PTPRT: variants seen among roughly 807,000 people sequenced by gnomAD.
PTPRT encodes the protein protein tyrosine phosphatase receptor type T.
In PTPRT, 56 loss-of-function variants were observed where a neutral mutation model predicts 176.8. That is an observed-to-expected ratio of 0.32 (90% CI 0.26 to 0.40). The LOEUF (loss-of-function observed/expected upper bound fraction) is 0.40, where lower values mean the gene tolerates loss of function less well. Among genes scored for constraint, PTPRT ranks in the 10% least tolerant of loss-of-function variants. PTPRT has a pLI of 1.00. For missense variants in PTPRT, 1,540 were observed against 1,908.2 expected (o/e 0.81, Z 3.60); for synonymous variants, 783 against 739.0 (o/e 1.06, Z -0.96).
intron 8 of PTPRT, among the ~76,000 whole-genome samples, chr20:42,458,227 C>A (rs560204513): frequency 2.0e-5 from 3 of 152,256 alleles, no homozygotes; most frequent in South Asian, 4.1e-4. Context: ...CTCTATATTT[C>A]TTTAGGACAG....
intron 2 of PTPRT, among the ~76,000 whole-genome samples, chr20:42,797,597 C>T (rs1264014387): frequency 6.6e-6 from 1 of 151,858 alleles, no homozygotes; most frequent in East Asian, 1.9e-4. Flanking sequence ...AAGGGCCTCC[C>T]AAAGATGTCC....
intron 1 of PTPRT, among the ~76,000 whole-genome samples, chr20:43,028,248 C>T (rs1215469137): frequency 6.6e-6 from 1 of 152,128 alleles, no homozygotes; most frequent in Non-Finnish European, 1.5e-5. Context: ...CTTCCAGATA[C>T]TGCAAGACAT....
chr20:42,493,229 T>C (rs2071593842), intron 7 of PTPRT, among the ~76,000 whole-genome samples: 1 of 152,196 alleles, frequency 6.6e-6, no homozygotes, highest in African/African-American at 2.4e-5. Flanking sequence ...AAATTAACCA[T>C]GGCATGCAGC....
At chr20:42,968,401 G>A (rs1236943031) in intron 1 of PTPRT, among the ~76,000 whole-genome samples, 1 of 152,182 alleles carries the variant, frequency 6.6e-6, no homozygotes, top group African/African-American at 2.4e-5. Context: ...ATCCAGTGGA[G>A]AGAGAGATGG....
At chr20:42,818,745 G>C (rs1361638250) in intron 2 of PTPRT, among the ~76,000 whole-genome samples, 1 of 152,180 alleles carries the variant, frequency 6.6e-6, no homozygotes, top group African/African-American at 2.4e-5. Flanking sequence ...CGAGAACTTT[G>C]TGAAGCATAC....
chr20:42,633,801 A>ATATATATATATATATTATATAT (rs2074470434), intron 7 of PTPRT, among the ~76,000 whole-genome samples: 1 of 66,460 alleles, frequency 1.5e-5, no homozygotes, highest in African/African-American at 7.0e-5. Context: ...ATATATATAT[A>ATATATATATATATATTATATAT]TATATATATA....
chr20:42,517,379 A>C (rs2072088430), intron 7 of PTPRT, among the ~76,000 whole-genome samples: 1 of 151,804 alleles, frequency 6.6e-6, no homozygotes, highest in Non-Finnish European at 1.5e-5. Flanking sequence ...AATATGGCTT[A>C]TTTGTACCTT....
intron 2 of PTPRT, among the ~76,000 whole-genome samples, chr20:42,854,451 T>C (rs2078528463): frequency 6.6e-6 from 1 of 152,128 alleles, no homozygotes. Flanking sequence ...CTGCTATCAC[T>C]CAGAATTCTC....
At chr20:42,082,123 G>A in intron 29 of PTPRT, 106 bp from the exon 30 acceptor site, 3 of 1,476,072 alleles carry the variant, frequency 2.0e-6, no homozygotes, top group Non-Finnish European at 2.8e-6. Flanking sequence ...CTGGGCAGAT[G>A]CAAGGCAAGG....
chr20:42,695,515 T>G (rs1236756900), intron 6 of PTPRT, among the ~76,000 whole-genome samples: 3 of 152,210 alleles, frequency 2.0e-5, no homozygotes, highest in East Asian at 1.9e-4. Context: ...ATTTTAAAAA[T>G]TATGTTTTCG....
intron 7 of PTPRT, among the ~76,000 whole-genome samples, chr20:42,531,654 T>G (rs1243648939): frequency 6.6e-6 from 1 of 152,180 alleles, no homozygotes; most frequent in African/African-American, 2.4e-5. Context: ...GGATAAATGC[T>G]GAAGAATAAC....
At chr20:42,491,771 A>T (rs1046468588) in intron 7 of PTPRT, among the ~76,000 whole-genome samples, 3 of 152,088 alleles carry the variant, frequency 2.0e-5, no homozygotes, top group African/African-American at 7.2e-5. Context: ...CTATTCTAAC[A>T]TATTGTGTTA....
At position 42,891,469 on chromosome 20, in the gene PTPRT, G is replaced by A. The variant is rs1600526179; in HGVS notation, c.89-5537C>T. ...CAGAGAAATGGAAAACTGTAGCAAGGAAATTGGATTTTGAAAATCCATTTG... is the reference window on the plus strand; with the variant it reads ...CAGAGAAATGGAAAACTGTAGCAAGAAAATTGGATTTTGAAAATCCATTTG... On this transcript the variant is annotated intron_variant, in intron 1 of 30. Transcript: ENST00000373187. Among the ~76,000 whole-genome samples, 6 of 152,328 alleles carry A rather than the reference G, an allele frequency of 3.9e-5. No individual in the cohort carries two copies. The South Asian group carries it at 1.2e-3, about 32-fold the overall frequency.
At chr20:42,828,270 C>T (rs1203547712) in intron 2 of PTPRT, among the ~76,000 whole-genome samples, 4 of 152,176 alleles carry the variant, frequency 2.6e-5, no homozygotes, top group African/African-American at 7.2e-5. Context: ...TGGCATTTTG[C>T]CCCTGCCCTA....
chr20:42,365,624 A>T (rs1295519047), intron 9 of PTPRT, among the ~76,000 whole-genome samples: 1 of 152,154 alleles, frequency 6.6e-6, no homozygotes, highest in East Asian at 1.9e-4. Flanking sequence ...TGGGCAACAC[A>T]TGAAATACAC....
At chr20:42,835,069 A>G (rs1379591173) in intron 2 of PTPRT, among the ~76,000 whole-genome samples, 1 of 152,214 alleles carries the variant, frequency 6.6e-6, no homozygotes, top group Admixed American at 6.5e-5. Context: ...CATGGGACCT[A>G]GAAAAAGGAG....
chr20:42,778,603 G>A (rs560546778), intron 4 of PTPRT, among the ~76,000 whole-genome samples: 2 of 152,304 alleles, frequency 1.3e-5, no homozygotes, highest in African/African-American at 2.4e-5. Context: ...CCTCGAAACT[G>A]GAGGTAGTGC....
At chr20:42,782,439 G>T (rs2077228597) in intron 3 of PTPRT, among the ~76,000 whole-genome samples, 1 of 152,084 alleles carries the variant, frequency 6.6e-6, no homozygotes, top group Non-Finnish European at 1.5e-5. Context: ...CAACAGATCT[G>T]CACAGATTCC....
intron 1 of PTPRT, among the ~76,000 whole-genome samples, chr20:42,891,355 C>A (rs1014072781): frequency 6.6e-6 from 1 of 152,162 alleles, no homozygotes; most frequent in African/African-American, 2.4e-5. Context: ...CCAGCACCTC[C>A]CCAGAGGAGC....
Sources: allele counts gnomAD v4.1 joint callset (sites outside exome capture counted in the v4.1 genomes callset), GRCh38; gene constraint gnomAD v4.1.1; transcripts MANE v1.5; gene names NCBI Gene and HGNC (gene_info 2026-07-23, HGNC 2026-07-21).